The following RBFOX1 variants were observed in gnomAD, a reference collection of about 807,000 sequenced individuals.
RBFOX1 encodes the protein RNA binding fox-1 homolog 1.
In RBFOX1, 8 loss-of-function variants were observed where a neutral mutation model predicts 57.7. That is an observed-to-expected ratio of 0.14 (90% CI 0.08 to 0.25). The LOEUF (loss-of-function observed/expected upper bound fraction) is 0.25, where lower values mean the gene tolerates loss of function less well. Ranked by LOEUF, RBFOX1 falls within the 10% of genes least tolerant of loss-of-function variation. The pLI, the probability that RBFOX1 is intolerant of heterozygous loss-of-function variation, is 1.00. For synonymous variants in RBFOX1, 326 were observed against 222.4 expected (o/e 1.47, Z -4.15); for missense variants, 611 against 548.5 (o/e 1.11, Z -1.14).
chr16:6,350,186 C>G (rs949220585), intron 2 of RBFOX1, among the ~76,000 whole-genome samples: 1 of 151,988 alleles, frequency 6.6e-6, no homozygotes, highest in African/African-American at 2.4e-5. Flanking sequence ...CCTGTAATCC[C>G]AGCTCTTTAG....
intron 2 of RBFOX1, among the ~76,000 whole-genome samples, chr16:6,623,358 C>T (rs1431346432): frequency 6.6e-6 from 1 of 152,076 alleles, no homozygotes; most frequent in Non-Finnish European, 1.5e-5. Flanking sequence ...ACAGTGAAAC[C>T]CAAATGACAG....
In RBFOX1 at chr16:7,154,568, C is replaced by G. The variant is rs1010835402; in HGVS notation, c.27+102470C>G. On this transcript the variant is annotated intron_variant, in intron 4 of 15. Coordinates refer to ENST00000550418, the MANE Select transcript of RBFOX1 (RefSeq NM_018723.4). The stretch of plus-strand genomic sequence containing the variant: ...TTAGATAGTCTTCCTCTTGTTAAAA[C>G]TATTTATATTTAAACTTGAAGGCAT... 9.2e-5 allele frequency among the ~76,000 whole-genome samples: 14 copies of G among 152,230 alleles called. No individual in the cohort carries two copies. The East Asian group carries it at 2.1e-3, about 23-fold the overall frequency.
intron 2 of RBFOX1, among the ~76,000 whole-genome samples, chr16:5,505,891 A>G (rs1283892230): frequency 6.6e-6 from 1 of 152,030 alleles, no homozygotes; most frequent in Non-Finnish European, 1.5e-5. Context: ...TCTACCAGCA[A>G]ACAGAGCCCA....
At chr16:6,563,073 G>A (rs1002896313) in intron 2 of RBFOX1, among the ~76,000 whole-genome samples, 2 of 151,830 alleles carry the variant, frequency 1.3e-5, no homozygotes, top group African/African-American at 4.8e-5. Flanking sequence ...GGGGGCCATG[G>A]AGTATACTCA....
intron 1 of RBFOX1, among the ~76,000 whole-genome samples, chr16:6,133,488 T>G (rs1044008883): frequency 6.6e-6 from 1 of 152,208 alleles, no homozygotes; most frequent in African/African-American, 2.4e-5. Context: ...CACCCTGATT[T>G]AAGTTAGTGT....
At chr16:5,686,148 T>G (rs896207716) in intron 3 of RBFOX1, among the ~76,000 whole-genome samples, 2 of 152,152 alleles carry the variant, frequency 1.3e-5, no homozygotes, top group African/African-American at 4.8e-5. Flanking sequence ...CTTGTGTGAA[T>G]TTTTACTCAA....
At chr16:5,339,430 A>G (rs555084492) in intron 1 of RBFOX1, among the ~76,000 whole-genome samples, 22 of 141,870 alleles carry the variant, frequency 1.6e-4, no homozygotes, top group African/African-American at 5.6e-4. Context: ...TATGGTGAAG[A>G]ATTTAGATTT....
chr16:6,417,686 G>A (rs2093662456), intron 2 of RBFOX1, among the ~76,000 whole-genome samples: 1 of 139,376 alleles, frequency 7.2e-6, no homozygotes, highest in African/African-American at 2.8e-5. Context: ...CACCATGTCT[G>A]GCCTTAAACT....
At chr16:7,653,748 T>TCCCTCCACAGCAGGGTGTGCATC in intron 11 of RBFOX1, 67 bp from the exon 12 acceptor site, 1 of 1,596,384 alleles carries the variant, frequency 6.3e-7, no homozygotes, top group South Asian at 1.1e-5. Context: ...CCGGGGCAGT[T>TCCCTCCACAGCAGGGTGTGCATC]CCCTCCACAG....
intron 1 of RBFOX1, among the ~76,000 whole-genome samples, chr16:5,388,345 G>A (rs1417010521): frequency 3.9e-5 from 6 of 152,130 alleles, no homozygotes; most frequent in East Asian, 1.9e-4. Context: ...TCTGCCAAGC[G>A]ACAACAAGCT....
chr16:6,988,881 C>T (rs960848506), intron 3 of RBFOX1, among the ~76,000 whole-genome samples: 1 of 151,870 alleles, frequency 6.6e-6, no homozygotes, highest in Non-Finnish European at 1.5e-5. Flanking sequence ...AGTGATTCTC[C>T]CTGCCTTAGC....
chr16:6,095,117 C>G (rs1445608503), intron 1 of RBFOX1, among the ~76,000 whole-genome samples: 1 of 152,110 alleles, frequency 6.6e-6, no homozygotes, highest in East Asian at 1.9e-4. Flanking sequence ...TTCCTTAGCA[C>G]CTAATAAGTA....
At chr16:6,169,250 TG>T (rs2096940587) in intron 1 of RBFOX1, among the ~76,000 whole-genome samples, 1 of 151,062 alleles carries the variant, frequency 6.6e-6, no homozygotes, top group African/African-American at 2.4e-5. Flanking sequence ...TCGGCAAATG[TG>T]GAAGTTAAAG....
At chr16:6,799,406 A>G (rs2084836205) in intron 3 of RBFOX1, among the ~76,000 whole-genome samples, 1 of 152,188 alleles carries the variant, frequency 6.6e-6, no homozygotes, top group South Asian at 2.1e-4. Flanking sequence ...CATTAACCTA[A>G]TAAGGCGTGA....
chr16:5,766,566 C>T (rs968611430), intron 3 of RBFOX1, among the ~76,000 whole-genome samples: 12 of 152,128 alleles, frequency 7.9e-5, no homozygotes, highest in African/African-American at 2.7e-4. Flanking sequence ...GCCCGGGCAA[C>T]AGTGCGAGAC....
Position 7,595,627 on chromosome 16 carries a change from G to A in RBFOX1, c.547G>A (p.Gly183Ser). ...GAAATTACACGGCACCGTGGTAGAG[G>A]GCCGTAAAATCGAGGTGCATGTTCA... ...REKLHGTVVE[G>S]RKIEVNNATA... The change falls in exon 8 of 16, where the codon GGC becomes AGC. Residue 183 changes from glycine (G) to serine (S), a missense_variant. Physicochemically the swap from Gly to Ser is moderately conservative, Grantham distance 56. Transcript: ENST00000550418. 3 of 1,578,132 alleles carry A rather than the reference G, an allele frequency of 1.9e-6. No homozygotes were observed. Among genetic ancestry groups the A allele is most frequent in the Non-Finnish European group, 2.6e-6 (3 of 1,160,342 alleles).
intron 3 of RBFOX1, among the ~76,000 whole-genome samples, chr16:6,954,725 G>A (rs2081410032): frequency 6.6e-6 from 1 of 152,068 alleles, no homozygotes; most frequent in African/African-American, 2.4e-5. Context: ...TAGGTGAGGA[G>A]ATGAGCCCCA....
intron 4 of RBFOX1, among the ~76,000 whole-genome samples, chr16:7,219,810 A>C (rs755617535): frequency 1.3e-5 from 2 of 152,208 alleles, no homozygotes; most frequent in Non-Finnish European, 2.9e-5. Context: ...TGTGATATGA[A>C]AGCATGACCT....
At chr16:6,111,578 C>A (rs574880668) in intron 1 of RBFOX1, among the ~76,000 whole-genome samples, 1 of 152,168 alleles carries the variant, frequency 6.6e-6, no homozygotes, top group Admixed American at 6.5e-5. Context: ...AGCCCCAGGA[C>A]TATGGCTTTT....
Sources: gnomAD v4.1 joint callset for allele counts (sites outside exome capture counted in the v4.1 genomes callset) on GRCh38, gnomAD v4.1.1 for gene constraint, MANE v1.5 for transcripts, NCBI Gene and HGNC (gene_info 2026-07-23, HGNC 2026-07-21) for gene names.